Variants in SEC61A1 observed in about 807,000 individuals in gnomAD.
SEC61A1 encodes SEC61 translocon subunit alpha 1, also known as protein transport protein Sec61 subunit alpha isoform 1.
A neutral mutation model predicts 55.2 loss-of-function variants in SEC61A1; 15 were observed. The ratio of observed to expected loss-of-function variants is 0.27; its 90% CI spans 0.18 to 0.42. The LOEUF (loss-of-function observed/expected upper bound fraction) is 0.42. SEC61A1 is among the 10% of genes least tolerant of loss of function. The pLI is 1.00. For missense variants in SEC61A1, 284 were observed against 602.6 expected, an observed-to-expected ratio of 0.47 and a Z score of 5.53; for synonymous variants, 247 against 234.0, an observed-to-expected ratio of 1.06 and a Z score of -0.51.
In SEC61A1 at chr3:128,056,714, T is replaced by TCGA; in HGVS notation, c.226_227insCGA (p.Leu76delinsSerMet). ...TGCTTCCCCGTTTCCTCAAGGCACA[T>TCGA]TGATGGAGCTAGGGATCTCTCCTAT... On this transcript the variant is annotated protein_altering_variant, in exon 5 of 12. Coordinates refer to ENST00000243253, the MANE Select transcript of SEC61A1 (RefSeq NM_013336.4). 6.4e-7 allele frequency: 1 copy of TCGA among 1,566,110 alleles called. No individual in the cohort carries two copies. Among genetic ancestry groups the TCGA allele is most frequent in the East Asian group, 2.3e-5 (1 of 43,646 alleles).
chr3:128,068,043 G>C lies in SEC61A1; in HGVS notation c.1228G>C (p.Val410Leu), dbSNP rs1942037930. The change falls in exon 11 of 12, where the codon GTC becomes CTC. Residue 410 changes from valine to leucine, a missense_variant. By Grantham distance (32) the Val-to-Leu change is conservative (BLOSUM62 1). Coordinates refer to ENST00000243253, the MANE Select transcript of SEC61A1 (RefSeq NM_013336.4). ...VMRGHRETSMVHELNRYIPTA... is the reference protein window; with the variant it reads ...VMRGHRETSMLHELNRYIPTA... ...GAGAGGCCACCGAGAGACCTCCATGGTCCATGAACTCAACCGGTGAGTGGT... is the reference window on the plus strand; with the variant it reads ...GAGAGGCCACCGAGAGACCTCCATGCTCCATGAACTCAACCGGTGAGTGGT... 1 of 1,613,750 alleles carries C rather than the reference G, an allele frequency of 6.2e-7. No individual in the cohort carries two copies. The highest frequency in any genetic ancestry group is 1.1e-5 in the South Asian group (1 of 91,072).
rs552779685 is a variant in SEC61A1 at position 128,053,977 on chromosome 3, T to G, written c.75+1075T>G. ...AATTCCAAATAAAAGGAGTATATAG[T>G]TTGCAAAGGCATTGGTGACAAGAGT... On this transcript the variant is annotated intron_variant, in intron 2 of 11. Coordinates refer to ENST00000243253, the MANE Select transcript of SEC61A1 (RefSeq NM_013336.4). Among the ~76,000 whole-genome samples, 55 of 152,224 alleles carry G rather than the reference T, an allele frequency of 3.6e-4. 1 individual carries two copies. Among genetic ancestry groups the G allele is most frequent in the Non-Finnish European group, 2.4e-4 (16 of 68,050 alleles).
Position 128,052,865 on chromosome 3 carries a change from G to C in SEC61A1, c.38G>C (p.Cys13Ser). ...TTTCTGGAAGTCATCAAGCCCTTCT[G>C]TGTCATCCTGCCGGAAATTCAGAAG... ...IKFLEVIKPFCVILPEIQKPE... is the reference protein window; with the variant it reads ...IKFLEVIKPFSVILPEIQKPE... The change falls in exon 2 of 12, where the codon TGT (cysteine) becomes TCT (serine). Residue 13 changes from cysteine to serine, a missense_variant. Cys to Ser is a moderately radical substitution (Grantham distance 112). Transcript: ENST00000243253. 1 of 1,613,402 alleles carries C rather than the reference G, an allele frequency of 6.2e-7. No individual in the cohort carries two copies. Among genetic ancestry groups the C allele is most frequent in the Non-Finnish European group, 8.5e-7 (1 of 1,179,762 alleles).
chr3:128,052,453 G>A lies in SEC61A1; in HGVS notation c.-100G>A. On this transcript the variant is annotated 5_prime_UTR_variant, in exon 1 of 12. Transcript: ENST00000243253. Reference sequence around the variant, plus strand: ...GCTAGCACTGACGTGTCTCTCGGCGGAGCTGCTGTGCAGTGGAACGCGCTG... The same window carrying A: ...GCTAGCACTGACGTGTCTCTCGGCGAAGCTGCTGTGCAGTGGAACGCGCTG... The A allele has an allele frequency of 1.4e-6, 2 of 1,463,202 alleles. No individual in the cohort carries two copies. Among genetic ancestry groups the A allele is most frequent in the Non-Finnish European group, 1.8e-6 (2 of 1,105,778 alleles). The allele number at this position is 1,463,202 out of a possible 1,614,324, so 90.6% of individuals were successfully genotyped here. A position where few individuals can be genotyped will look rare whatever the true frequency, so the allele number is the denominator to read the frequency against.
rs2107656870 is a variant in SEC61A1 at position 128,071,117 on chromosome 3, C to T, written c.*1455C>T. The T allele has an allele frequency of 6.6e-6, 1 of 152,524 alleles. No individual in the cohort carries two copies. Among genetic ancestry groups the T allele is most frequent in the East Asian group, 1.9e-4 (1 of 5,188 alleles). 9.4% of individuals were successfully genotyped at this position (152,524 alleles called of 1,614,324 possible). Reference sequence around the variant, plus strand: ...CCACCGCCACAGCCCGGCAGAGGGGCACACTCTGGAGACCTTGCTGGCAGT... The same window carrying T: ...CCACCGCCACAGCCCGGCAGAGGGGTACACTCTGGAGACCTTGCTGGCAGT... On this transcript the variant is annotated 3_prime_UTR_variant, in exon 12 of 12. Coordinates refer to ENST00000243253, the MANE Select transcript of SEC61A1 (RefSeq NM_013336.4).
chr3:128,066,518 G>C (rs766702947), intron 8 of SEC61A1: 1 of 173,500 alleles, frequency 5.8e-6, no homozygotes, highest in African/African-American at 2.4e-5. Flanking sequence ...GACCTCCCAG[G>C]CTCAAGTGAT....
intron 8 of SEC61A1, chr3:128,065,401 A>G: frequency 1.8e-6 from 1 of 540,984 alleles, no homozygotes; most frequent in East Asian, 3.0e-5. Context: ...TTTATAGGTA[A>G]CTTCTGCATC....
Position 128,067,088 on chromosome 3 carries a change from C to A in SEC61A1, c.912C>A (p.Ile304=), listed in dbSNP as rs1313804776. ...QSALVSNLYV[I]SQMLSARFSG... ...CCCTGGTGTCCAACCTTTATGTCAT[C>A]TCCCAAATGCTCTCAGCTCGCTTCA... Residue 304 remains isoleucine, a synonymous_variant, in exon 9 of 12, where the codon ATC becomes ATA. Transcript: ENST00000243253. This position sits in a 1 kb window ranked among gnomAD's most constrained non-coding sequence, Gnocchi z 4.1. The A allele has an allele frequency of 1.2e-6, 2 of 1,614,088 alleles. No homozygotes were observed. The highest frequency in any genetic ancestry group is 3.3e-5 in the Admixed American group (2 of 60,016).
chr3:128,059,504 A>G (rs1941824428), intron 5 of SEC61A1, among the ~76,000 whole-genome samples: 1 of 152,134 alleles, frequency 6.6e-6, no homozygotes, highest in Admixed American at 6.5e-5. Flanking sequence ...ATTAGACCAA[A>G]ATAGCTTGGT....
chr3:128,067,798 G>A lies in SEC61A1; in HGVS notation c.1168-185G>A, dbSNP rs535822059. ...CCAGCAGTAGATCAGCTGTGGGTAT[G>A]AGAATCTGAATCCACACTGTAAAGT... On this transcript the variant is annotated intron_variant, in intron 10 of 11. Coordinates refer to ENST00000243253, the MANE Select transcript of SEC61A1 (RefSeq NM_013336.4). This position sits in a 1 kb window ranked among gnomAD's most constrained non-coding sequence, Gnocchi z 4.1. 16 of 676,416 alleles carry A rather than the reference G, an allele frequency of 2.4e-5. No homozygotes were observed. The highest frequency in any genetic ancestry group is 1.8e-4 in the African/African-American group (10 of 55,554). 41.9% of individuals were successfully genotyped at this position (676,416 alleles called of 1,614,324 possible).
intron 7 of SEC61A1, among the ~76,000 whole-genome samples, chr3:128,064,417 G>A (rs1205896815): frequency 6.6e-6 from 1 of 152,164 alleles, no homozygotes; most frequent in African/African-American, 2.4e-5. Context: ...GAGGCGGGAG[G>A]ATTGCTTGAG....
chr3:128,064,670 C>A, intron 7 of SEC61A1: 1 of 556,684 alleles, frequency 1.8e-6, no homozygotes, highest in Non-Finnish European at 3.1e-6. Flanking sequence ...CAAAAACAAA[C>A]CAGAATAGCC....
chr3:128,066,567 C>T (rs967207938), intron 8 of SEC61A1: 5 of 208,654 alleles, frequency 2.4e-5, no homozygotes, highest in African/African-American at 9.3e-5. Flanking sequence ...GGACTACAGG[C>T]GCGCACCACC....
intron 8 of SEC61A1, among the ~76,000 whole-genome samples, chr3:128,065,649 T>C (rs1941949899): frequency 6.6e-6 from 1 of 152,176 alleles, no homozygotes; most frequent in Non-Finnish European, 1.5e-5. Context: ...CCATTCCTTC[T>C]GCTGAGACTA....
At chr3:128,066,617 T>G in intron 8 of SEC61A1, 1 of 297,834 alleles carries the variant, frequency 3.4e-6, no homozygotes, top group Non-Finnish European at 6.3e-6. Flanking sequence ...AGAGACGGAG[T>G]CTGACTGTGT....
chr3:128,053,315 G>C (rs1941718416), intron 2 of SEC61A1, among the ~76,000 whole-genome samples: 1 of 152,188 alleles, frequency 6.6e-6, no homozygotes, highest in Non-Finnish European at 1.5e-5. Context: ...AAAGGGAAGG[G>C]CTGTCACTTT....
intron 11 of SEC61A1, among the ~76,000 whole-genome samples, chr3:128,068,458 T>G (rs1942050825): frequency 6.6e-6 from 1 of 152,192 alleles, no homozygotes; most frequent in South Asian, 2.1e-4. Context: ...TCCTGGCATC[T>G]GAGCGCATTT....
At position 128,069,586 on chromosome 3, in the gene SEC61A1, C is replaced by T; in HGVS notation, c.1355C>T (p.Thr452Ile). 3 of 1,614,126 alleles carry T rather than the reference C, an allele frequency of 1.9e-6. No individual in the cohort carries two copies. The highest frequency in any genetic ancestry group is 2.5e-6 in the Non-Finnish European group (3 of 1,180,020). The change falls in exon 12 of 12, where the codon ACA (threonine) becomes ATA (isoleucine). Residue 452 changes from threonine (T) to isoleucine (I), a missense_variant. By Grantham distance (89) the Thr-to-Ile change is moderately conservative (BLOSUM62 -1). Transcript: ENST00000243253. ...GSGTGILLAVTIIYQYFEIFV... is the reference protein window; with the variant it reads ...GSGTGILLAVIIIYQYFEIFV... ...GGAACCGGGATCCTGCTCGCAGTCA[C>T]AATCATCTACCAGTACTTTGAGATC...
In SEC61A1 at chr3:128,070,112, G is replaced by A. The variant is rs10934847; in HGVS notation, c.*450G>A. The A allele has an allele frequency of 0.23, 35,294 of 155,004 alleles. 4,094 individuals are homozygous for A. The highest frequency in any genetic ancestry group is 0.27 in the South Asian group (1,346 of 4,980). The allele number at this position is 155,004 out of a possible 1,614,324, so 9.6% of individuals were successfully genotyped here. On this transcript the variant is annotated 3_prime_UTR_variant, in exon 12 of 12. Transcript: ENST00000243253. ...AGCAGATCATGTATTTCCCGGAGAC[G>A]TGGGACCTTGCTGGCATGTCTCCTT...
Sources: allele counts gnomAD v4.1 joint callset (sites outside exome capture counted in the v4.1 genomes callset), GRCh38; gene constraint gnomAD v4.1.1; non-coding constraint Gnocchi (gnomAD v3.1); transcripts MANE v1.5; gene names NCBI Gene and HGNC (gene_info 2026-07-23, HGNC 2026-07-21).